The following POLE4 variants were observed in gnomAD, a reference collection of about 807,000 sequenced individuals.
POLE4 encodes the protein DNA polymerase epsilon 4, accessory subunit.
POLE4 carries 15 observed loss-of-function variants against 15.6 expected under a neutral mutation model. The ratio of observed to expected loss-of-function variants is 0.96; its 90% CI spans 0.64 to 1.48. The LOEUF (loss-of-function observed/expected upper bound fraction) is 1.48. POLE4 is among the 40% of genes most tolerant of loss of function. POLE4 has a pLI of 0.00. For missense variants in POLE4, 205 were observed against 151.9 expected (o/e 1.35, Z -1.84); for synonymous variants, 83 against 63.2 (o/e 1.31, Z -1.49).
At chr2:74,962,391 T>C (rs1487325017) in intron 3 of POLE4, among the ~76,000 whole-genome samples, 2 of 152,176 alleles carry the variant, frequency 1.3e-5, no homozygotes, top group Non-Finnish European at 2.9e-5. Flanking sequence ...CTAATAACAT[T>C]TGTATCTTAT....
Position 74,958,848 on chromosome 2 carries a change from A to C in POLE4, c.169A>C (p.Thr57Pro), listed in dbSNP as rs1024066250. 6.4e-7 allele frequency: 1 copy of C among 1,561,212 alleles called. No individual in the cohort carries two copies. The highest frequency in any genetic ancestry group is 1.9e-5 in the Admixed American group (1 of 52,216). Residue 57 changes from threonine to proline, a missense_variant, in exon 1 of 4, where the codon ACG becomes CCG. Transcript: ENST00000483063. ...CTTGGTGAAGGCAGATCCCGACGTG[A>C]CGCTAGCGGGACAGGAAGCCATCTT... ...KALVKADPDV[T>P]LAGQEAIFIL...
intron 3 of POLE4, among the ~76,000 whole-genome samples, chr2:74,967,143 G>C (rs532749469): frequency 6.6e-6 from 1 of 152,080 alleles, no homozygotes; most frequent in Non-Finnish European, 1.5e-5. Context: ...TTCTCAGCGA[G>C]TGTCTCTTCA....
chr2:74,966,804 A>G (rs1671302574), intron 3 of POLE4, among the ~76,000 whole-genome samples: 1 of 151,834 alleles, frequency 6.6e-6, no homozygotes, highest in African/African-American at 2.4e-5. Context: ...TGACTCTCTC[A>G]TTTTTTTCTT....
intron 3 of POLE4, among the ~76,000 whole-genome samples, chr2:74,967,588 C>T (rs990321626): frequency 3.3e-5 from 5 of 152,138 alleles, no homozygotes; most frequent in African/African-American, 1.2e-4. Flanking sequence ...GTTTGCTAGT[C>T]TGTGCCGAAT....
Position 74,969,548 on chromosome 2 carries a change from A to G in POLE4, c.*126A>G, listed in dbSNP as rs1000272127. On this transcript the variant is annotated 3_prime_UTR_variant, in exon 4 of 4. Transcript: ENST00000483063. ...CACTCTTCCTGTTCTGCCTTCACCT[A>G]TGCCGGGATAAGCAGAGATCTCATC... The G allele has an allele frequency of 1.2e-6, 1 of 863,234 alleles. No individual in the cohort carries two copies. The highest frequency in any genetic ancestry group is 2.0e-6 in the Non-Finnish European group (1 of 499,908). The allele number at this position is 863,234 out of a possible 1,614,324, so 53.5% of individuals were successfully genotyped here. A position where few individuals can be genotyped will look rare whatever the true frequency, so the allele number is the denominator to read the frequency against.
chr2:74,962,826 C>T (rs1399449454), intron 3 of POLE4, among the ~76,000 whole-genome samples: 2 of 152,138 alleles, frequency 1.3e-5, no homozygotes, highest in East Asian at 1.9e-4. Flanking sequence ...TTCTTTATAG[C>T]TTACTATATA....
chr2:74,967,649 G>A (rs1671315528), intron 3 of POLE4, among the ~76,000 whole-genome samples: 1 of 151,976 alleles, frequency 6.6e-6, no homozygotes, highest in African/African-American at 2.4e-5. Context: ...GTTTCTTTTG[G>A]TACTGTCACA....
chr2:74,960,511 G>A (rs541134950), intron 3 of POLE4: 6 of 475,522 alleles, frequency 1.3e-5, no homozygotes, highest in Admixed American at 2.4e-5. Flanking sequence ...AAGGGTCACC[G>A]CTTGTTCTTT....
intron 3 of POLE4, among the ~76,000 whole-genome samples, chr2:74,960,845 TG>T (rs1324428533): frequency 6.6e-6 from 1 of 152,220 alleles, no homozygotes; most frequent in African/African-American, 2.4e-5. Context: ...AGTGAGGTAG[TG>T]GTCATAACAT....
intron 3 of POLE4, among the ~76,000 whole-genome samples, chr2:74,961,658 C>A (rs181184139): frequency 6.6e-6 from 1 of 152,302 alleles, no homozygotes; most frequent in East Asian, 1.9e-4. Context: ...GTTTTCCACT[C>A]TAGCCTCTAT....
chr2:74,962,790 C>T (rs531011308), intron 3 of POLE4, among the ~76,000 whole-genome samples: 3 of 152,218 alleles, frequency 2.0e-5, no homozygotes, highest in African/African-American at 4.8e-5. Flanking sequence ...TTACTGTTTC[C>T]TAACTTTTTT....
At chr2:74,959,191 C>T in intron 1 of POLE4, 150 bp from the exon 2 acceptor site, 1 of 626,040 alleles carries the variant, frequency 1.6e-6, no homozygotes, top group Non-Finnish European at 2.9e-6. Context: ...CGGAATGGAT[C>T]TTCATGAAGT....
At chr2:74,959,274 A>G in intron 1 of POLE4, 67 bp from the exon 2 acceptor site, 1 of 1,019,756 alleles carries the variant, frequency 9.8e-7, no homozygotes, top group South Asian at 1.4e-5. Context: ...CCCACCCACA[A>G]ACCGGAGCCC....
At chr2:74,964,416 A>G (rs1281269765) in intron 3 of POLE4, among the ~76,000 whole-genome samples, 1 of 152,184 alleles carries the variant, frequency 6.6e-6, no homozygotes, top group Non-Finnish European at 1.5e-5. Context: ...TGGGGAAGAA[A>G]CGATATCTTT....
At chr2:74,961,458 T>A (rs1484661867) in intron 3 of POLE4, 2 of 152,260 alleles carry the variant, frequency 1.3e-5, no homozygotes, top group African/African-American at 2.4e-5. Context: ...CAGGCACTCC[T>A]TGTGACAGAC....
At chr2:74,959,277 C>T (rs1271570687) in intron 1 of POLE4, 64 bp from the exon 2 acceptor site, 7 of 1,046,938 alleles carry the variant, frequency 6.7e-6, no homozygotes, top group South Asian at 4.1e-5. Context: ...ACCCACAAAC[C>T]GGAGCCCTCA....
At chr2:74,959,991 A>G (rs1671192257) in intron 2 of POLE4, 114 bp from the exon 3 acceptor site, 1 of 795,066 alleles carries the variant, frequency 1.3e-6, no homozygotes, top group Non-Finnish European at 2.2e-6. Context: ...GACGCATCTT[A>G]TAAATGCCCT....
chr2:74,964,791 A>C (rs879289519), intron 3 of POLE4, among the ~76,000 whole-genome samples: 5 of 152,118 alleles, frequency 3.3e-5, no homozygotes, highest in Non-Finnish European at 7.3e-5. Context: ...TCATCTGCCA[A>C]TAATAATAAT....
At chr2:74,959,793 G>T (rs1384013094) in intron 2 of POLE4, 3 of 458,696 alleles carry the variant, frequency 6.5e-6, no homozygotes, top group African/African-American at 2.0e-5. Flanking sequence ...TGCGCCCTGC[G>T]TCTATTGCCA....
Sources: allele counts gnomAD v4.1 joint callset (sites outside exome capture counted in the v4.1 genomes callset), GRCh38; gene constraint gnomAD v4.1.1; transcripts MANE v1.5; gene names NCBI Gene and HGNC (gene_info 2026-07-23, HGNC 2026-07-21).